The following BAIAP2L1 variants were observed in gnomAD, a reference collection of about 807,000 sequenced individuals.
BAIAP2L1 encodes the protein BAR/IMD domain-containing adapter protein 2-like 1.
In BAIAP2L1, 35 loss-of-function variants were observed where a neutral mutation model predicts 66.3. The ratio of observed to expected loss-of-function variants is 0.53; its 90% CI spans 0.40 to 0.70. BAIAP2L1 has a LOEUF of 0.70. Among genes scored for constraint, BAIAP2L1 ranks in the 30% least tolerant of loss-of-function variants. BAIAP2L1 has a pLI of 0.00. For synonymous variants in BAIAP2L1, 269 were observed against 248.7 expected (o/e 1.08, Z -0.77); for missense variants, 622 against 656.9 (o/e 0.95, Z 0.58).
Position 98,315,623 on chromosome 7 carries a change from A to AT in BAIAP2L1, c.487-12_487-11insA, listed in dbSNP as rs11385558. ...AACGGTCTCCACATACTAAAAAAAA[A>AT]AAAATAATAATAATAATAATTATAT... On this transcript the variant is annotated splice_polypyrimidine_tract_variant and intron_variant, in intron 6 of 13. Coordinates refer to ENST00000005260, the MANE Select transcript of BAIAP2L1 (RefSeq NM_018842.5). 0.41 allele frequency: 488,807 copies of AT among 1,193,920 alleles called. 113,987 individuals carry two copies. Among genetic ancestry groups the AT allele is most frequent in the Middle Eastern group, 0.48 (1,697 of 3,500 alleles). 74.0% of individuals were successfully genotyped at this position (1,193,920 alleles called of 1,614,324 possible). A position where few individuals can be genotyped will look rare whatever the true frequency, so the allele number is the denominator to read the frequency against.
chr7:98,293,587 G>GTT lies in BAIAP2L1; in HGVS notation c.1468_1469dup (p.Asn490LysfsTer7). On this transcript the variant is annotated frameshift_variant, in exon 14 of 14. Coordinates refer to ENST00000005260, the MANE Select transcript of BAIAP2L1 (RefSeq NM_018842.5). LOFTEE classifies it high-confidence loss of function. ...GGCGGAGTTTCACAGTGGCAAAGGG[G>GTT]TTTTCTCCGCTGCAGGGGATAAGAA... 1.2e-6 allele frequency: 2 copies of GTT among 1,613,756 alleles called. No individual in the cohort carries two copies. Among genetic ancestry groups the GTT allele is most frequent in the Non-Finnish European group, 1.7e-6 (2 of 1,179,732 alleles).
chr7:98,305,046 T>TG (rs1800593353), intron 11 of BAIAP2L1, among the ~76,000 whole-genome samples: 1 of 120,618 alleles, frequency 8.3e-6, no homozygotes, highest in Admixed American at 8.4e-5. Context: ...TTTTGTTTTT[T>TG]GTTTTTTTTT....
At chr7:98,347,688 T>A (rs1226776061) in intron 3 of BAIAP2L1, among the ~76,000 whole-genome samples, 1 of 151,534 alleles carries the variant, frequency 6.6e-6, no homozygotes. Context: ...GGCAGGAGAA[T>A]GGTGTGAACC....
At chr7:98,380,029 C>A (rs181907309) in intron 1 of BAIAP2L1, among the ~76,000 whole-genome samples, 1 of 151,460 alleles carries the variant, frequency 6.6e-6, no homozygotes, top group Non-Finnish European at 1.5e-5. Context: ...TTAAATTGTA[C>A]GCTTAAAATG....
intron 12 of BAIAP2L1, among the ~76,000 whole-genome samples, chr7:98,299,163 C>T (rs1800314130): frequency 6.6e-6 from 1 of 151,922 alleles, no homozygotes; most frequent in Non-Finnish European, 1.5e-5. Flanking sequence ...TTACAGGCGC[C>T]TGCCACCATG....
At chr7:98,340,326 C>T (rs764188164) in intron 3 of BAIAP2L1, among the ~76,000 whole-genome samples, 15 of 152,216 alleles carry the variant, frequency 9.9e-5, no homozygotes, top group Non-Finnish European at 2.1e-4. Context: ...CTTGCCTTGT[C>T]GCCCAGGCTG....
At chr7:98,344,134 G>A (rs986772495) in intron 3 of BAIAP2L1, among the ~76,000 whole-genome samples, 2 of 152,088 alleles carry the variant, frequency 1.3e-5, no homozygotes, top group African/African-American at 4.8e-5. Context: ...CTGAGATCGC[G>A]CCACTGGCAC....
chr7:98,328,548 A>T (rs557686236), intron 3 of BAIAP2L1, among the ~76,000 whole-genome samples: 3 of 152,160 alleles, frequency 2.0e-5, no homozygotes, highest in African/African-American at 7.2e-5. Context: ...CAGTCCAGAC[A>T]CGTGGAGCAG....
chr7:98,320,047 C>A lies in BAIAP2L1; in HGVS notation c.348+11G>T, dbSNP rs376279313. 1.4e-5 allele frequency: 22 copies of A among 1,609,814 alleles called. No homozygotes were observed. The highest frequency in any genetic ancestry group is 1.8e-5 in the Non-Finnish European group (21 of 1,177,620). ...CCCAAGGCTGGGGCTGGAGGAAAACCATGCACTTACGTTCATATATTTCAC... is the reference window on the plus strand; with the variant it reads ...CCCAAGGCTGGGGCTGGAGGAAAACAATGCACTTACGTTCATATATTTCAC... On this transcript the variant is annotated intron_variant, in intron 5 of 13. Coordinates refer to ENST00000005260, the MANE Select transcript of BAIAP2L1 (RefSeq NM_018842.5).
Position 98,307,713 on chromosome 7 carries a change from T to C in BAIAP2L1, c.1139A>G (p.Tyr380Cys), listed in dbSNP as rs564556684. The part of the protein sequence containing the change: ...LIPEEKDGWL[Y>C]GEHDVSKARG... ...CGCCTTGGACACGTCGTGTTCTCCA[T>C]AGAGCCAGCCATCCTTCTCCTCGGG... The change falls in exon 10 of 14, where the codon TAT becomes TGT. Residue 380 changes from tyrosine (Y) to cysteine (C), a missense_variant. Tyr to Cys is a radical substitution (Grantham distance 194). Coordinates refer to ENST00000005260, the MANE Select transcript of BAIAP2L1 (RefSeq NM_018842.5). The C allele has an allele frequency of 7.4e-6, 12 of 1,614,172 alleles. No individual in the cohort carries two copies. The African/African-American group carries it at 1.3e-4, about 18-fold the overall frequency.
chr7:98,366,147 G>A (rs188121899), intron 1 of BAIAP2L1, among the ~76,000 whole-genome samples: 14 of 152,216 alleles, frequency 9.2e-5, no homozygotes, highest in South Asian at 2.1e-4. Flanking sequence ...GACAATCATC[G>A]GATGGTCAGC....
At chr7:98,357,049 A>ATATATATATATAT (rs1406909573) in intron 2 of BAIAP2L1, among the ~76,000 whole-genome samples, 1 of 12,616 alleles carries the variant, frequency 7.9e-5, no homozygotes, top group African/African-American at 2.8e-4. Flanking sequence ...ATATATATAT[A>ATATATATATATAT]TTTTTTTTTT....
At chr7:98,380,673 T>C (rs557091835) in intron 1 of BAIAP2L1, among the ~76,000 whole-genome samples, 1 of 147,616 alleles carries the variant, frequency 6.8e-6, no homozygotes, top group South Asian at 2.2e-4. Context: ...CCTCAAGCAA[T>C]CCTCCTACCT....
At position 98,293,222 on chromosome 7, in the gene BAIAP2L1, A is replaced by C; in HGVS notation, c.*299T>G. On this transcript the variant is annotated 3_prime_UTR_variant, in exon 14 of 14. Transcript: ENST00000005260. ...CTTATTCTGGCTGTTATTAAGGAAA[A>C]AATTCATTTAAAAAATACAGTAAAG... 1 of 325,816 alleles carries C rather than the reference A, an allele frequency of 3.1e-6. No individual in the cohort carries two copies. 20.2% of individuals were successfully genotyped at this position (325,816 alleles called of 1,614,324 possible).
chr7:98,359,889 G>C (rs1802228342), intron 2 of BAIAP2L1, among the ~76,000 whole-genome samples: 1 of 151,438 alleles, frequency 6.6e-6, no homozygotes, highest in African/African-American at 2.4e-5. Flanking sequence ...GCTCCTGATA[G>C]GTAGGACCAC....
At chr7:98,307,352 C>T (rs1263951012) in intron 10 of BAIAP2L1, 7 of 1,099,438 alleles carry the variant, frequency 6.4e-6, no homozygotes, top group African/African-American at 1.6e-5. Context: ...GTGATCTGCC[C>T]GCCTTAGCCT....
chr7:98,336,527 A>G (rs1360540290), intron 3 of BAIAP2L1, among the ~76,000 whole-genome samples: 2 of 152,202 alleles, frequency 1.3e-5, no homozygotes, highest in African/African-American at 2.4e-5. Context: ...GAGGCAGGAG[A>G]ATCGCCTGAA....
Position 98,355,060 on chromosome 7 carries a change from G to A in BAIAP2L1, c.196C>T (p.Pro66Ser). 1 of 1,613,790 alleles carries A rather than the reference G, an allele frequency of 6.2e-7. No homozygotes were observed. ...AKIGEIATGS[P>S]VSTELGHVLI... is the part of the protein sequence containing the mutation. ...CGCTCACCCAGTTCAGTTGACACGG[G>A]GGACCCAGTGGCAATCTCACCGATC... The change falls in exon 3 of 14, where the codon CCC becomes TCC. Residue 66 changes from proline (P) to serine (S), a missense_variant. Physicochemically the swap from Pro to Ser is moderately conservative, Grantham distance 74. Transcript: ENST00000005260.
At chr7:98,357,676 A>T (rs541205944) in intron 2 of BAIAP2L1, among the ~76,000 whole-genome samples, 24 of 152,140 alleles carry the variant, frequency 1.6e-4, no homozygotes, top group Non-Finnish European at 2.8e-4. Context: ...CTGCACTATT[A>T]TAAGACTCAG....
Sources: gnomAD v4.1 joint callset for allele counts (sites outside exome capture counted in the v4.1 genomes callset) on GRCh38, gnomAD v4.1.1 for gene constraint, MANE v1.5 for transcripts, NCBI Gene and HGNC (gene_info 2026-07-23, HGNC 2026-07-21) for gene names.